TET2: variants seen among roughly 807,000 people sequenced by gnomAD.
TET2 encodes methylcytosine dioxygenase TET2.
A neutral mutation model predicts 142.9 loss-of-function variants in TET2; 299 were observed. That is an observed-to-expected ratio of 2.09 (90% CI 1.90 to 2.30). The LOEUF is 2.30. TET2 is among the 30% of genes most tolerant of loss of function. The pLI, the probability that TET2 is intolerant of heterozygous loss-of-function variation, is 0.00. For synonymous variants in TET2, 819 were observed against 849.0 expected, an observed-to-expected ratio of 0.96 and a Z score of 0.61; for missense variants, 2,418 against 2,378.0, an observed-to-expected ratio of 1.02 and a Z score of -0.35.
At chr4:105,226,742 C>G (rs758400999) in intron 2 of TET2, among the ~76,000 whole-genome samples, 2 of 152,052 alleles carry the variant, frequency 1.3e-5, no homozygotes, top group African/African-American at 2.4e-5. Flanking sequence ...AAGGCCTCAC[C>G]CAAAGCAGAT....
intron 1 of TET2, among the ~76,000 whole-genome samples, chr4:105,179,502 A>G (rs144146362): frequency 6.6e-6 from 1 of 152,328 alleles, no homozygotes; most frequent in East Asian, 1.9e-4. Flanking sequence ...GACAGACTCC[A>G]TCCTTTTTCT....
Position 105,276,725 on chromosome 4 carries a change from C to G in TET2, c.*206C>G, listed in dbSNP as rs1030053791. On this transcript the variant is annotated 3_prime_UTR_variant, in exon 11 of 11. Transcript: ENST00000380013. Reference sequence around the variant, plus strand: ...GCTCCCAAGTGGTCACAGATGGCATCTAGGAAAAGACCAAAGCATTCTATG... The same window carrying G: ...GCTCCCAAGTGGTCACAGATGGCATGTAGGAAAAGACCAAAGCATTCTATG... The G allele has an allele frequency of 3.1e-5, 17 of 539,766 alleles. No individual in the cohort carries two copies. The highest frequency in any genetic ancestry group is 4.7e-5 in the Non-Finnish European group (15 of 316,300). The allele number at this position is 539,766 out of a possible 1,614,324, so 33.4% of individuals were successfully genotyped here. A position where few individuals can be genotyped will look rare whatever the true frequency, so the allele number is the denominator to read the frequency against.
intron 1 of TET2, among the ~76,000 whole-genome samples, chr4:105,159,235 T>C (rs911286284): frequency 5.9e-5 from 9 of 151,614 alleles, no homozygotes; most frequent in African/African-American, 2.2e-4. Context: ...AGATTAATCT[T>C]TTTCTTTCTT....
intron 6 of TET2, among the ~76,000 whole-genome samples, chr4:105,253,414 TG>T (rs35743102): frequency 9.9e-5 from 15 of 152,026 alleles, no homozygotes; most frequent in African/African-American, 3.4e-4. Flanking sequence ...ATATTTCATT[TG>T]GGGGGGTGCT....
At chr4:105,168,947 A>G (rs1435731459) in intron 1 of TET2, among the ~76,000 whole-genome samples, 4 of 152,212 alleles carry the variant, frequency 2.6e-5, no homozygotes, top group African/African-American at 4.8e-5. Context: ...GTAGTATTCC[A>G]TCTTATAAAT....
At chr4:105,163,852 A>C (rs62331155) in intron 1 of TET2, among the ~76,000 whole-genome samples, 1 of 105,816 alleles carries the variant, frequency 9.5e-6, no homozygotes, top group African/African-American at 3.7e-5. Context: ...AGAGAGAGAG[A>C]GAGTGTGTGT....
rs540169151 is a variant in TET2, at chr4:105,274,463, G to A, written c.4538-585G>A. Among the ~76,000 whole-genome samples the A allele has an allele frequency of 1.5e-3, 225 of 152,034 alleles. 1 individual carries two copies. The highest frequency in any genetic ancestry group is 4.7e-3 in the African/African-American group (196 of 41,454). Reference sequence around the variant, plus strand: ...CATTCTTTTTTTTCACAACATTCCCGAATCTTACATAATAAATCTTATTTT... The same window carrying A: ...CATTCTTTTTTTTCACAACATTCCCAAATCTTACATAATAAATCTTATTTT... On this transcript the variant is annotated intron_variant, in intron 10 of 10. Coordinates refer to ENST00000380013, the MANE Select transcript of TET2 (RefSeq NM_001127208.3).
At chr4:105,204,155 G>A (rs777431191) in intron 2 of TET2, among the ~76,000 whole-genome samples, 3 of 150,670 alleles carry the variant, frequency 2.0e-5, no homozygotes, top group Non-Finnish European at 3.0e-5. Flanking sequence ...TTGAGTTCGC[G>A]TCACTGCATT....
At chr4:105,272,538 G>A (rs1353671455) in intron 9 of TET2, 26 bp from the exon 10 acceptor site, 3 of 1,431,380 alleles carry the variant, frequency 2.1e-6, no homozygotes, top group Non-Finnish European at 1.9e-6. Context: ...TGTAGTTGAG[G>A]CTGTAATGTC....
At position 105,278,167 on chromosome 4, in the gene TET2, TATAC is replaced by T. The variant is rs1404479882; in HGVS notation, c.*1652_*1655del. 4.0e-5 allele frequency: 5 copies of T among 123,566 alleles called. No individual in the cohort carries two copies. The highest frequency in any genetic ancestry group is 6.2e-5 in the Non-Finnish European group (4 of 64,290). 7.7% of individuals were successfully genotyped at this position (123,566 alleles called of 1,614,324 possible). A position where few individuals can be genotyped will look rare whatever the true frequency, so the allele number is the denominator to read the frequency against. Reference sequence around the variant, plus strand: ...TTTAGTACTGTAAAAAAATTAAATATATACATATATATATATATATATATATATA... The same window carrying T: ...TTTAGTACTGTAAAAAAATTAAATATATATATATATATATATATATATATA... On this transcript the variant is annotated 3_prime_UTR_variant, in exon 11 of 11. Coordinates refer to ENST00000380013, the MANE Select transcript of TET2 (RefSeq NM_001127208.3).
chr4:105,185,519 G>T (rs2110465695), intron 1 of TET2, among the ~76,000 whole-genome samples: 1 of 152,316 alleles, frequency 6.6e-6, no homozygotes, highest in Non-Finnish European at 1.5e-5. Flanking sequence ...AGTGGCTCAT[G>T]CCTGTAATCC....
chr4:105,148,258 A>G (rs914991308), intron 1 of TET2, among the ~76,000 whole-genome samples: 3 of 152,134 alleles, frequency 2.0e-5, no homozygotes, highest in Non-Finnish European at 4.4e-5. Flanking sequence ...TCCCCTCATG[A>G]TATACTTTTA....
chr4:105,192,477 A>G (rs1237547610), intron 2 of TET2, among the ~76,000 whole-genome samples: 7 of 152,212 alleles, frequency 4.6e-5, no homozygotes, highest in Admixed American at 4.6e-4. Flanking sequence ...GTAGGTAATA[A>G]TAGATAATAA....
rs1731015401 is a variant in TET2, at chr4:105,272,556, CCTACCAGG to C, written c.4183-7_4183del. 1 of 1,492,022 alleles carries C rather than the reference CCTACCAGG, an allele frequency of 6.7e-7. No individual in the cohort carries two copies. The highest frequency in any genetic ancestry group is 2.5e-5 in the East Asian group (1 of 40,570). The allele number at this position is 1,492,022 out of a possible 1,614,324, so 92.4% of individuals were successfully genotyped here. A position where few individuals can be genotyped will look rare whatever the true frequency, so the allele number is the denominator to read the frequency against. On this transcript the variant is annotated splice_acceptor_variant and splice_polypyrimidine_tract_variant and coding_sequence_variant and intron_variant, in exon 10 of 11. Coordinates refer to ENST00000380013, the MANE Select transcript of TET2 (RefSeq NM_001127208.3). LOFTEE classifies it high-confidence loss of function. ...AGTTGAGGCTGTAATGTCTTACTTC[CCTACCAGG>C]TATGCACTCTCACTAGAGAAGACAA...
At chr4:105,258,847 A>T (rs545732972) in intron 6 of TET2, among the ~76,000 whole-genome samples, 57 of 152,320 alleles carry the variant, frequency 3.7e-4, no homozygotes, top group African/African-American at 1.4e-3. Context: ...AATGTATCAA[A>T]CTAGGGCTAT....
chr4:105,260,866 G>C (rs888641832), intron 7 of TET2, among the ~76,000 whole-genome samples: 2 of 152,036 alleles, frequency 1.3e-5, no homozygotes, highest in Non-Finnish European at 2.9e-5. Context: ...TTTGCTTGCT[G>C]TCATTTTAAT....
intron 2 of TET2, among the ~76,000 whole-genome samples, chr4:105,199,218 T>C (rs1479647895): frequency 6.6e-6 from 1 of 152,246 alleles, no homozygotes; most frequent in Non-Finnish European, 1.5e-5. Context: ...ATCTTAAACA[T>C]GATTACATCC....
intron 2 of TET2, among the ~76,000 whole-genome samples, chr4:105,211,504 G>T (rs1727159630): frequency 6.6e-6 from 1 of 152,184 alleles, no homozygotes; most frequent in Non-Finnish European, 1.5e-5. Context: ...AGCATTTAGG[G>T]AATAAGCCGA....
chr4:105,194,884 T>C (rs1216348067), intron 2 of TET2, among the ~76,000 whole-genome samples: 4 of 152,150 alleles, frequency 2.6e-5, no homozygotes, highest in African/African-American at 7.2e-5. Flanking sequence ...ATAACTCAAC[T>C]ATGTGAAAGC....
Sources: gnomAD v4.1 joint callset for allele counts (sites outside exome capture counted in the v4.1 genomes callset) on GRCh38, gnomAD v4.1.1 for gene constraint, MANE v1.5 for transcripts, NCBI Gene and HGNC (gene_info 2026-07-23, HGNC 2026-07-21) for gene names.